Variants in CORO2A observed in about 807,000 individuals in gnomAD.
The protein encoded by CORO2A is coronin 2A.
Under a neutral mutation model 62.4 loss-of-function variants are expected in CORO2A, and 47 were observed. The ratio of observed to expected loss-of-function variants is 0.75; its 90% CI spans 0.60 to 0.96. CORO2A has a LOEUF of 0.96. Ranked by LOEUF, CORO2A falls within the 40% of genes least tolerant of loss-of-function variation. The pLI, the probability that CORO2A is intolerant of heterozygous loss-of-function variation, is 0.00. For missense variants in CORO2A, 610 were observed against 684.1 expected (o/e 0.89, Z 1.21); for synonymous variants, 273 against 268.9 (o/e 1.02, Z -0.15).
chr9:98,128,182 C>A lies in CORO2A; in HGVS notation c.1159G>T (p.Gly387Trp). The A allele has an allele frequency of 6.2e-7, 1 of 1,613,270 alleles. No individual in the cohort carries two copies. ...CTGCCTTCCTCACCTCGATTCATCCCGCTGAGCCACTCCTGGGCCGTCAGG... is the reference window on the plus strand; with the variant it reads ...CTGCCTTCCTCACCTCGATTCATCCAGCTGAGCCACTCCTGGGCCGTCAGG... ...PSLTAQEWLS[G>W]MNRDPILVSL... The change falls in exon 10 of 12, where the codon GGG becomes TGG. Residue 387 changes from glycine (G) to tryptophan (W), a missense_variant. Physicochemically the swap from Gly to Trp is radical, Grantham distance 184. Transcript: ENST00000375077.
chr9:98,143,214 G>C (rs970145624), intron 2 of CORO2A, among the ~76,000 whole-genome samples: 11 of 152,256 alleles, frequency 7.2e-5, no homozygotes, highest in African/African-American at 2.4e-4. Flanking sequence ...AGAGGGGGAA[G>C]ACAGGACAGA....
intron 2 of CORO2A, among the ~76,000 whole-genome samples, chr9:98,146,346 A>C (rs1234535617): frequency 3.3e-5 from 5 of 152,156 alleles, no homozygotes; most frequent in Non-Finnish European, 5.9e-5. Flanking sequence ...CCAAGGCTGC[A>C]GGTTGCGAAA....
At chr9:98,174,739 T>G (rs1371979776) in intron 1 of CORO2A, among the ~76,000 whole-genome samples, 1 of 152,128 alleles carries the variant, frequency 6.6e-6, no homozygotes, top group Non-Finnish European at 1.5e-5. Flanking sequence ...AGCTTCCCCT[T>G]CACCTTCCGT....
At chr9:98,185,101 C>T (rs57756870) in intron 1 of CORO2A, among the ~76,000 whole-genome samples, 13,760 of 152,098 alleles carry the variant, frequency 0.09, 1,263 homozygotes, top group African/African-American at 0.24. Context: ...ATAGTCTGGC[C>T]GTCTCCAAAT....
intron 2 of CORO2A, among the ~76,000 whole-genome samples, chr9:98,146,256 C>A (rs1180996403): frequency 6.6e-6 from 1 of 152,144 alleles, no homozygotes; most frequent in Non-Finnish European, 1.5e-5. Context: ...GCAGGCTGGG[C>A]CCCAGGCTCA....
intron 4 of CORO2A, among the ~76,000 whole-genome samples, chr9:98,133,428 G>T (rs1827439534): frequency 6.6e-6 from 1 of 152,176 alleles, no homozygotes; most frequent in South Asian, 2.1e-4. Context: ...GTCTAGTGGT[G>T]AAAGGAAAAC....
At chr9:98,183,089 G>C (rs144449940) in intron 1 of CORO2A, among the ~76,000 whole-genome samples, 35 of 152,306 alleles carry the variant, frequency 2.3e-4, no homozygotes, top group African/African-American at 7.0e-4. Flanking sequence ...AGAGCTTCAC[G>C]GAATTTGAAG....
At chr9:98,168,871 C>T (rs576818159) in intron 1 of CORO2A, among the ~76,000 whole-genome samples, 2 of 152,352 alleles carry the variant, frequency 1.3e-5, no homozygotes, top group South Asian at 2.1e-4. Context: ...GAAACAGACA[C>T]ACACATGCAG....
chr9:98,141,498 GC>G (rs1392471344), intron 2 of CORO2A, among the ~76,000 whole-genome samples: 1 of 152,054 alleles, frequency 6.6e-6, no homozygotes, highest in Admixed American at 6.6e-5. Context: ...GATTACAGGT[GC>G]GTGCCACCAC....
chr9:98,128,122 G>T, intron 10 of CORO2A, 48 bp downstream of exon 10: 1 of 1,492,934 alleles, frequency 6.7e-7, no homozygotes, highest in Non-Finnish European at 9.3e-7. Context: ...CACTGGGCAC[G>T]CCATGTTCCT....
rs374814331 is a variant in CORO2A at position 98,130,966 on chromosome 9, C to T, written c.859G>A (p.Val287Met). 40 of 1,613,606 alleles carry T rather than the reference C, an allele frequency of 2.5e-5. No individual in the cohort carries two copies. The African/African-American group carries it at 2.9e-4, about 12-fold the overall frequency. The change falls in exon 7 of 12, where the codon GTG (valine) becomes ATG (methionine). Residue 287 changes from valine to methionine, a missense_variant. By Grantham distance (21) the Val-to-Met change is conservative (BLOSUM62 1). Transcript: ENST00000375077. ...FYDADTSMLYVVGKGDGNIRY... is the reference protein window; with the variant it reads ...FYDADTSMLYMVGKGDGNIRY... ...CGTGCCAAGCCGACCTTCCCCACCA[C>T]GTAGAGCATGCTGGTGTCCGCGTCA...
rs762461559 is a variant in CORO2A at position 98,124,641 on chromosome 9, C to T, written c.*133G>A. 74 of 902,796 alleles carry T rather than the reference C, an allele frequency of 8.2e-5. No individual in the cohort carries two copies. Among genetic ancestry groups the T allele is most frequent in the Non-Finnish European group, 1.1e-4 (70 of 650,880 alleles). The allele number at this position is 902,796 out of a possible 1,614,324, so 55.9% of individuals were successfully genotyped here. ...CATGTCCCACTGGAATCTCTTTCAG[C>T]GATGGAGAGTTTTGTTTTCTGGTAA... On this transcript the variant is annotated 3_prime_UTR_variant, in exon 12 of 12. Coordinates refer to ENST00000375077, the MANE Select transcript of CORO2A (RefSeq NM_052820.4).
chr9:98,178,436 C>T (rs1167034060), intron 1 of CORO2A, among the ~76,000 whole-genome samples: 2 of 152,208 alleles, frequency 1.3e-5, no homozygotes, highest in South Asian at 2.1e-4. Flanking sequence ...TTAAAAACCA[C>T]GTGTCCATTC....
At chr9:98,187,730 C>CCAT (rs1828257328) in intron 1 of CORO2A, among the ~76,000 whole-genome samples, 1 of 152,158 alleles carries the variant, frequency 6.6e-6, no homozygotes, top group African/African-American at 2.4e-5. Flanking sequence ...CCTCTTAATA[C>CCAT]CATCACCTTA....
At chr9:98,133,829 C>T (rs1827445274) in intron 4 of CORO2A, among the ~76,000 whole-genome samples, 1 of 152,220 alleles carries the variant, frequency 6.6e-6, no homozygotes, top group Non-Finnish European at 1.5e-5. Context: ...TCATGGCTCA[C>T]TGTAGCATCA....
At chr9:98,176,455 G>C (rs182831889) in intron 1 of CORO2A, among the ~76,000 whole-genome samples, 3 of 152,234 alleles carry the variant, frequency 2.0e-5, no homozygotes, top group African/African-American at 7.2e-5. Context: ...GGACTTCCTC[G>C]CATCTACTGA....
intron 2 of CORO2A, 158 bp downstream of exon 2, chr9:98,157,302 G>T (rs1827817663): frequency 1.5e-6 from 1 of 682,244 alleles, no homozygotes; most frequent in South Asian, 2.0e-5. Flanking sequence ...ATTTTTCCCA[G>T]TGAGGAAACC....
chr9:98,134,706 G>C (rs577620719), intron 4 of CORO2A, 100 bp downstream of exon 4: 1 of 1,370,024 alleles, frequency 7.3e-7, no homozygotes, highest in Non-Finnish European at 9.7e-7. Context: ...CTTGATTTTC[G>C]ATTTCTGGTC....
chr9:98,148,411 T>A (rs7865848), intron 2 of CORO2A, among the ~76,000 whole-genome samples: 2,301 of 111,004 alleles, frequency 0.021, 53 homozygotes, highest in African/African-American at 0.05. Context: ...AAAAAAAAAA[T>A]AAGATAAATA....
Sources: gnomAD v4.1 joint callset for allele counts (sites outside exome capture counted in the v4.1 genomes callset) on GRCh38, gnomAD v4.1.1 for gene constraint, MANE v1.5 for transcripts, NCBI Gene and HGNC (gene_info 2026-07-23, HGNC 2026-07-21) for gene names.